Variants in EGR3 observed in about 807,000 individuals in gnomAD.
EGR3 encodes the protein early growth response 3.
A neutral mutation model predicts 22.4 loss-of-function variants in EGR3; 4 were observed. The observed-to-expected ratio is 0.18, with a 90% confidence interval of 0.09 to 0.41. EGR3 has a LOEUF of 0.41. Among genes scored for constraint, EGR3 ranks in the 10% least tolerant of loss-of-function variants. The pLI is 1.00. For synonymous variants in EGR3, 219 were observed against 226.8 expected (o/e 0.97, Z 0.31); for missense variants, 315 against 541.3 (o/e 0.58, Z 4.15).
At position 22,690,507 on chromosome 8, in the gene EGR3, A is replaced by C; in HGVS notation, c.1130T>G (p.Val377Gly). The C allele has an allele frequency of 6.2e-7, 1 of 1,609,558 alleles. No individual in the cohort carries two copies. The highest frequency in any genetic ancestry group is 8.5e-7 in the Non-Finnish European group (1 of 1,177,542). Residue 377 changes from valine (V) to glycine (G), a missense_variant, in exon 2 of 2, where the codon GTG (valine) becomes GGG (glycine). By Grantham distance (109) the Val-to-Gly change is moderately radical. Coordinates refer to ENST00000317216, the MANE Select transcript of EGR3 (RefSeq NM_004430.3). ...GAPSASSAPPVSLAPVVTTCA is the reference protein window; with the variant it reads ...GAPSASSAPPGSLAPVVTTCA ...GGTGGTGACCACGGGGGCCAGCGAC[A>C]CGGGGGGCGCCGAGGATGCAGAGGG...
At position 22,691,053 on chromosome 8, in the gene EGR3, T is replaced by C. The variant is rs376536749; in HGVS notation, c.584A>G (p.Asn195Ser). 2 of 1,610,050 alleles carry C rather than the reference T, an allele frequency of 1.2e-6. No homozygotes were observed. Among genetic ancestry groups the C allele is most frequent in the Non-Finnish European group, 1.7e-6 (2 of 1,177,150 alleles). Residue 195 changes from asparagine (N) to serine (S), a missense_variant, in exon 2 of 2, where the codon AAC becomes AGC. Transcript: ENST00000317216. ...CATGTCGTTGGGGTGGTGGTAGAGG[T>C]TGTAGTCAGGAATCATGGGGAAGAG... is the stretch of plus-strand genomic sequence containing the variant. Reference protein sequence around the residue: ...SNLFPMIPDYNLYHHPNDMGS... With the variant: ...SNLFPMIPDYSLYHHPNDMGS...
chr8:22,687,997 C>CT lies in EGR3; in HGVS notation c.*2475dup, dbSNP rs1803821076. 6.6e-6 allele frequency: 1 copy of CT among 152,548 alleles called. No homozygotes were observed. Among genetic ancestry groups the CT allele is most frequent in the Non-Finnish European group, 1.5e-5 (1 of 68,010 alleles). 9.4% of individuals were successfully genotyped at this position (152,548 alleles called of 1,614,324 possible). On this transcript the variant is annotated 3_prime_UTR_variant, in exon 2 of 2. Transcript: ENST00000317216. This position sits in a 1 kb window ranked among gnomAD's most constrained non-coding sequence, Gnocchi z 4.7. ...ACAAAATATATTACATCTGGTTTGT[C>CT]TTTTTTCTAAGTACTCAACTTTATA...
intron 1 of EGR3, 178 bp from the exon 2 acceptor site, chr8:22,691,660 C>T (rs1803964606): frequency 3.1e-6 from 3 of 977,378 alleles, no homozygotes; most frequent in Non-Finnish European, 3.6e-6. Flanking sequence ...CGGGCGCAAC[C>T]TGGATATAGC....
At chr8:22,691,919 C>T (rs1032238657) in intron 1 of EGR3, 1 of 1,232,356 alleles carries the variant, frequency 8.1e-7, no homozygotes, top group Non-Finnish European at 1.0e-6. Flanking sequence ...GCGCCTTTCC[C>T]TCCCCGGCGA....
intron 1 of EGR3, chr8:22,691,810 G>A (rs1803973861): frequency 2.0e-6 from 2 of 985,306 alleles, no homozygotes; most frequent in African/African-American, 3.5e-5. Context: ...GCAGGTAGCT[G>A]CAGCTACAGG....
At position 22,690,312 on chromosome 8, in the gene EGR3, A is replaced by C. The variant is rs1803899860; in HGVS notation, c.*161T>G. The stretch of plus-strand genomic sequence containing the variant: ...GCCCCTGACCGCTGGCCGGCGTGAA[A>C]GGTTGGGAACCGGGGGCATCGAAGG... On this transcript the variant is annotated 3_prime_UTR_variant, in exon 2 of 2. Coordinates refer to ENST00000317216, the MANE Select transcript of EGR3 (RefSeq NM_004430.3). The C allele has an allele frequency of 3.1e-6, 2 of 639,532 alleles. No homozygotes were observed. Among genetic ancestry groups the C allele is most frequent in the African/African-American group, 3.7e-5 (2 of 54,286 alleles). The allele number at this position is 639,532 out of a possible 1,614,324, so 39.6% of individuals were successfully genotyped here. A position where few individuals can be genotyped will look rare whatever the true frequency, so the allele number is the denominator to read the frequency against.
Position 22,692,492 on chromosome 8 carries a change from C to T in EGR3, c.154+299G>A, listed in dbSNP as rs1804005728. 1.4e-6 allele frequency: 2 copies of T among 1,429,182 alleles called. No homozygotes were observed. Among genetic ancestry groups the T allele is most frequent in the South Asian group, 1.5e-5 (1 of 66,502 alleles). The allele number at this position is 1,429,182 out of a possible 1,614,324, so 88.5% of individuals were successfully genotyped here. ...TGAGGGAGAACCCCAGAGCCGCTCGCACCTACCTCCCTCCGGTCGGCGGCT... is the reference window on the plus strand; with the variant it reads ...TGAGGGAGAACCCCAGAGCCGCTCGTACCTACCTCCCTCCGGTCGGCGGCT... On this transcript the variant is annotated intron_variant, in intron 1 of 1. Coordinates refer to ENST00000317216, the MANE Select transcript of EGR3 (RefSeq NM_004430.3). This position sits in a 1 kb window ranked among gnomAD's most constrained non-coding sequence, Gnocchi z 6.2.
Position 22,692,245 on chromosome 8 carries a change from C to T in EGR3, c.154+546G>A. 6.8e-7 allele frequency: 1 copy of T among 1,475,554 alleles called. No homozygotes were observed. Among genetic ancestry groups the T allele is most frequent in the African/African-American group, 1.5e-5 (1 of 68,832 alleles). 91.4% of individuals were successfully genotyped at this position (1,475,554 alleles called of 1,614,324 possible). ...CGGGTGAACCCCCTCCTTCTCCCCGCCGTCCCCACACCCCCACGGCTTTGC... is the reference window on the plus strand; with the variant it reads ...CGGGTGAACCCCCTCCTTCTCCCCGTCGTCCCCACACCCCCACGGCTTTGC... On this transcript the variant is annotated intron_variant, in intron 1 of 1. Coordinates refer to ENST00000317216, the MANE Select transcript of EGR3 (RefSeq NM_004430.3). This position sits in a 1 kb window ranked among gnomAD's most constrained non-coding sequence, Gnocchi z 6.2.
chr8:22,690,280 A>G lies in EGR3; in HGVS notation c.*193T>C. 1 of 591,700 alleles carries G rather than the reference A, an allele frequency of 1.7e-6. No homozygotes were observed. The highest frequency in any genetic ancestry group is 3.0e-6 in the Non-Finnish European group (1 of 338,036). The allele number at this position is 591,700 out of a possible 1,614,324, so 36.7% of individuals were successfully genotyped here. A position where few individuals can be genotyped will look rare whatever the true frequency, so the allele number is the denominator to read the frequency against. ...GGGACCGCGAGGGGAAGGCGCCTCC[A>G]GCCCTGGCCCCTGACCGCTGGCCGG... On this transcript the variant is annotated 3_prime_UTR_variant, in exon 2 of 2. Transcript: ENST00000317216.
chr8:22,690,983 G>T lies in EGR3; in HGVS notation c.654C>A (p.Ile218=). ...GGGTAATAGGGGGCGGGTTGACCCG[G>T]ATGGGGTCCATGCCCTGGAAGGGCT... The part of the protein sequence containing the change: ...EHKPFQGMDP[I]RVNPPPITPL... The change falls in exon 2 of 2, where the codon ATC becomes ATA. Residue 218 remains isoleucine, a synonymous_variant. Transcript: ENST00000317216. 6.4e-7 allele frequency: 1 copy of T among 1,572,592 alleles called. No homozygotes were observed. Among genetic ancestry groups the T allele is most frequent in the Non-Finnish European group, 8.6e-7 (1 of 1,156,256 alleles).
Position 22,693,040 on chromosome 8 carries a change from C to A in EGR3, c.-96G>T. On this transcript the variant is annotated 5_prime_UTR_variant, in exon 1 of 2. Coordinates refer to ENST00000317216, the MANE Select transcript of EGR3 (RefSeq NM_004430.3). ...GGCAAGCGGCATCCGAGAGGCGATC[C>A]GTGGTGCAGGGGAAAAGCATGCGAG... 9.0e-7 allele frequency: 1 copy of A among 1,111,716 alleles called. No individual in the cohort carries two copies. Among genetic ancestry groups the A allele is most frequent in the Non-Finnish European group, 1.2e-6 (1 of 864,126 alleles). 68.9% of individuals were successfully genotyped at this position (1,111,716 alleles called of 1,614,324 possible). A position where few individuals can be genotyped will look rare whatever the true frequency, so the allele number is the denominator to read the frequency against.
Position 22,692,776 on chromosome 8 carries a change from C to G in EGR3, c.154+15G>C. On this transcript the variant is annotated intron_variant, in intron 1 of 1. Coordinates refer to ENST00000317216, the MANE Select transcript of EGR3 (RefSeq NM_004430.3). This position sits in a 1 kb window ranked among gnomAD's most constrained non-coding sequence, Gnocchi z 6.2. Reference sequence around the variant, plus strand: ...TTCCTTCCTCGCTGCCTCGCCGCCTCCCCGCCGCCCTTACCTGTAGCCATC... The same window carrying G: ...TTCCTTCCTCGCTGCCTCGCCGCCTGCCCGCCGCCCTTACCTGTAGCCATC... 6.2e-7 allele frequency: 1 copy of G among 1,613,222 alleles called. No individual in the cohort carries two copies. Among genetic ancestry groups the G allele is most frequent in the Non-Finnish European group, 8.5e-7 (1 of 1,179,842 alleles).
chr8:22,690,737 C>T lies in EGR3; in HGVS notation c.900G>A (p.Thr300=), dbSNP rs144687868. ...DELTRHLRIH[T]GHKPFQCRIC... ...TCCGGCACTGGAAGGGCTTGTGGCC[C>T]GTGTGGATGCGCAGGTGCCGGGTCA... Residue 300 remains threonine, a synonymous_variant, in exon 2 of 2, where the codon ACG becomes ACA. Coordinates refer to ENST00000317216, the MANE Select transcript of EGR3 (RefSeq NM_004430.3). 5.6e-5 allele frequency: 90 copies of T among 1,614,026 alleles called. No homozygotes were observed. In the African/African-American group the frequency reaches 8.8e-4, roughly 16 times the overall value.
chr8:22,692,602 GA>G lies in EGR3; in HGVS notation c.154+188del. 1 of 1,228,320 alleles carries G rather than the reference GA, an allele frequency of 8.1e-7. No individual in the cohort carries two copies. Among genetic ancestry groups the G allele is most frequent in the Non-Finnish European group, 1.1e-6 (1 of 936,062 alleles). The allele number at this position is 1,228,320 out of a possible 1,614,324, so 76.1% of individuals were successfully genotyped here. ...CGAGGAGGGCGGGAGGAGTGGGTGG[GA>G]AAAGCAACTCGCCCCCCGCAAAATT... On this transcript the variant is annotated intron_variant, in intron 1 of 1. Coordinates refer to ENST00000317216, the MANE Select transcript of EGR3 (RefSeq NM_004430.3). This position sits in a 1 kb window ranked among gnomAD's most constrained non-coding sequence, Gnocchi z 6.2.
rs1803829392 is a variant in EGR3, at chr8:22,688,261, A to T, written c.*2212T>A. 6.5e-6 allele frequency: 1 copy of T among 152,674 alleles called. No homozygotes were observed. The highest frequency in any genetic ancestry group is 2.1e-4 in the South Asian group (1 of 4,838). 9.5% of individuals were successfully genotyped at this position (152,674 alleles called of 1,614,324 possible). A position where few individuals can be genotyped will look rare whatever the true frequency, so the allele number is the denominator to read the frequency against. ...ACAAAGGAAAACTCAATTATCATGC[A>T]GTGACATGCATATACCAGAAGGAGC... On this transcript the variant is annotated 3_prime_UTR_variant, in exon 2 of 2. Transcript: ENST00000317216.
In EGR3 at chr8:22,687,659, A is replaced by G. The variant is rs898224910; in HGVS notation, c.*2814T>C. 1 of 152,616 alleles carries G rather than the reference A, an allele frequency of 6.6e-6. No individual in the cohort carries two copies. Among genetic ancestry groups the G allele is most frequent in the African/African-American group, 2.4e-5 (1 of 41,458 alleles). 9.5% of individuals were successfully genotyped at this position (152,616 alleles called of 1,614,324 possible). Reference sequence around the variant, plus strand: ...CAGCCAAAAACAAACCAAGACAAAAAACAGGCCAAACTAAAGCTTTATGCT... The same window carrying G: ...CAGCCAAAAACAAACCAAGACAAAAGACAGGCCAAACTAAAGCTTTATGCT... On this transcript the variant is annotated 3_prime_UTR_variant, in exon 2 of 2. Transcript: ENST00000317216. This position sits in a 1 kb window ranked among gnomAD's most constrained non-coding sequence, Gnocchi z 4.7.
chr8:22,688,807 A>G lies in EGR3; in HGVS notation c.*1666T>C, dbSNP rs982586499. ...CAACCTTCCCTATTACTCCACTTCA[A>G]AGGAGCCACCCTGTACGAGAAGGGC... is the stretch of plus-strand genomic sequence containing the variant. On this transcript the variant is annotated 3_prime_UTR_variant, in exon 2 of 2. Transcript: ENST00000317216. 1 of 152,766 alleles carries G rather than the reference A, an allele frequency of 6.5e-6. No homozygotes were observed. Among genetic ancestry groups the G allele is most frequent in the South Asian group, 2.1e-4 (1 of 4,820 alleles). The allele number at this position is 152,766 out of a possible 1,614,324, so 9.5% of individuals were successfully genotyped here. A position where few individuals can be genotyped will look rare whatever the true frequency, so the allele number is the denominator to read the frequency against.
rs555649419 is a variant in EGR3 at position 22,690,392 on chromosome 8, C to A, written c.*81G>T. The A allele has an allele frequency of 8.0e-7, 1 of 1,256,492 alleles. No individual in the cohort carries two copies. 77.8% of individuals were successfully genotyped at this position (1,256,492 alleles called of 1,614,324 possible). A position where few individuals can be genotyped will look rare whatever the true frequency, so the allele number is the denominator to read the frequency against. On this transcript the variant is annotated 3_prime_UTR_variant, in exon 2 of 2. Coordinates refer to ENST00000317216, the MANE Select transcript of EGR3 (RefSeq NM_004430.3). ...GGCCAGGGCGCGGCCCCTACGCCTC[C>A]GTGGCTGGCTTTCCCGCTGCTTTCA...
Position 22,690,791 on chromosome 8 carries a change from G to A in EGR3, c.846C>T (p.Cys282=), listed in dbSNP as rs1460260788. The A allele has an allele frequency of 1.9e-6, 3 of 1,612,968 alleles. No homozygotes were observed. The highest frequency in any genetic ancestry group is 2.2e-5 in the South Asian group (2 of 91,008). The change falls in exon 2 of 2, where the codon TGC becomes TGT. Residue 282 remains cysteine, a synonymous_variant. Coordinates refer to ENST00000317216, the MANE Select transcript of EGR3 (RefSeq NM_004430.3). ...ERPHACPAEG[C]DRRFSRSDEL... The stretch of plus-strand genomic sequence containing the variant: ...CGTCCGAACGGCTGAAACGGCGGTC[G>A]CAGCCCTCGGCCGGGCACGCGTGGG...
Sources: gnomAD v4.1 joint callset for allele counts on GRCh38, gnomAD v4.1.1 for gene constraint, Gnocchi (gnomAD v3.1) non-coding constraint, MANE v1.5 for transcripts, NCBI Gene and HGNC (gene_info 2026-07-23, HGNC 2026-07-21) for gene names.